KIF26B: variants seen among roughly 807,000 people sequenced by gnomAD.
KIF26B encodes the protein kinesin family member 26B.
A neutral mutation model predicts 151.2 loss-of-function variants in KIF26B; 63 were observed. The observed-to-expected ratio is 0.42, with a 90% CI of 0.34 to 0.51. KIF26B has a LOEUF of 0.51. Among genes scored for constraint, KIF26B ranks in the 20% least tolerant of loss-of-function variants. The probability of loss-of-function intolerance (pLI) is 0.07; values close to 1 mark genes in which losing one functional copy is unlikely to be tolerated. For missense variants in KIF26B, 2,813 were observed against 2,913.6 expected (o/e 0.97, Z 0.79); for synonymous variants, 1,357 against 1,262.1 (o/e 1.08, Z -1.59).
rs182684749 is a variant in KIF26B, at chr1:245,381,452, C to T, written c.999+14085C>T. The stretch of plus-strand genomic sequence containing the variant: ...CTTTGAACGCAGCCCAACACGAGTT[C>T]GTAAATTTTCTTAAAACATTGCGAG... On this transcript the variant is annotated intron_variant, in intron 3 of 14. Transcript: ENST00000407071. Among the ~76,000 whole-genome samples, 343 of 152,248 alleles carry T rather than the reference C, an allele frequency of 2.3e-3. 3 individuals carry two copies. The highest frequency in any genetic ancestry group is 8.1e-3 in the African/African-American group (335 of 41,552).
intron 5 of KIF26B, among the ~76,000 whole-genome samples, chr1:245,553,212 C>T (rs1661935807): frequency 2.0e-5 from 3 of 152,288 alleles, no homozygotes; most frequent in East Asian, 1.9e-4. Flanking sequence ...GAAGCTGGAC[C>T]GGATCTAAGG....
At chr1:245,265,587 CTT>C (rs34317893) in intron 2 of KIF26B, among the ~76,000 whole-genome samples, 88 of 140,714 alleles carry the variant, frequency 6.3e-4, no homozygotes, top group Non-Finnish European at 7.1e-4. Flanking sequence ...TAGAGAATGA[CTT>C]TTTTTTTTTT....
At chr1:245,331,800 T>A (rs1282929617) in intron 2 of KIF26B, among the ~76,000 whole-genome samples, 1 of 152,118 alleles carries the variant, frequency 6.6e-6, no homozygotes, top group African/African-American at 2.4e-5. Context: ...AATGCAGGGA[T>A]TTTTAAAAAG....
intron 4 of KIF26B, among the ~76,000 whole-genome samples, chr1:245,433,477 A>AGAAG (rs1553274012): frequency 2.0e-5 from 3 of 147,742 alleles, no homozygotes; most frequent in Admixed American, 1.3e-4. Flanking sequence ...AAAAAAAAAA[A>AGAAG]AAGAAGAAGA....
At chr1:245,203,533 C>T (rs1443651037) in intron 2 of KIF26B, among the ~76,000 whole-genome samples, 1 of 152,192 alleles carries the variant, frequency 6.6e-6, no homozygotes, top group Admixed American at 6.5e-5. Context: ...CACAACCCAC[C>T]ATGGGACAGA....
intron 4 of KIF26B, among the ~76,000 whole-genome samples, chr1:245,473,738 A>T (rs1659967617): frequency 6.6e-6 from 1 of 151,956 alleles, no homozygotes; most frequent in African/African-American, 2.4e-5. Context: ...ATTTTATCAC[A>T]GTGAATTTCC....
intron 5 of KIF26B, among the ~76,000 whole-genome samples, chr1:245,598,926 T>C (rs1053509911): frequency 2.0e-5 from 3 of 152,140 alleles, no homozygotes; most frequent in African/African-American, 7.2e-5. Context: ...GCTGTTCCTT[T>C]AGCTTTCTGG....
At chr1:245,224,390 GTTGT>G (rs1573718487) in intron 2 of KIF26B, among the ~76,000 whole-genome samples, 1 of 152,170 alleles carries the variant, frequency 6.6e-6, no homozygotes, top group African/African-American at 2.4e-5. Context: ...CGTATACGCA[GTTGT>G]TTGAGTTGCC....
intron 2 of KIF26B, among the ~76,000 whole-genome samples, chr1:245,347,936 C>T (rs1672486670): frequency 6.6e-6 from 1 of 152,216 alleles, no homozygotes; most frequent in African/African-American, 2.4e-5. Context: ...AAGGCGGGTA[C>T]CGTTATTTTC....
intron 4 of KIF26B, among the ~76,000 whole-genome samples, chr1:245,467,382 T>C (rs2103061553): frequency 6.6e-6 from 1 of 152,334 alleles, no homozygotes; most frequent in South Asian, 2.1e-4. Flanking sequence ...TTGAAAATTC[T>C]GGTTTTGTTG....
intron 2 of KIF26B, among the ~76,000 whole-genome samples, chr1:245,320,929 C>T (rs893298535): frequency 2.2e-4 from 34 of 152,338 alleles, no homozygotes; most frequent in African/African-American, 7.9e-4. Flanking sequence ...CTCCCCGCGT[C>T]GTCCTCCCAA....
intron 3 of KIF26B, among the ~76,000 whole-genome samples, chr1:245,405,863 T>C (rs1187970938): frequency 6.6e-6 from 1 of 152,208 alleles, no homozygotes. Flanking sequence ...AGGTTTGGTG[T>C]CAAGTCGAAA....
At chr1:245,283,245 C>T (rs1403321398) in intron 2 of KIF26B, among the ~76,000 whole-genome samples, 2 of 151,896 alleles carry the variant, frequency 1.3e-5, no homozygotes, top group East Asian at 1.9e-4. Context: ...CCAATCTGCC[C>T]AAGCCCACCC....
At chr1:245,521,153 C>T (rs867489267) in intron 4 of KIF26B, among the ~76,000 whole-genome samples, 29 of 152,054 alleles carry the variant, frequency 1.9e-4, no homozygotes, top group Middle Eastern at 3.2e-3. Context: ...CTGGCTAACA[C>T]GGTGAAACCC....
intron 5 of KIF26B, among the ~76,000 whole-genome samples, chr1:245,575,972 T>C (rs1050403233): frequency 1.3e-5 from 2 of 152,112 alleles, no homozygotes; most frequent in Admixed American, 6.6e-5. Context: ...AAGCCAGAGA[T>C]CACACCTCCC....
intron 2 of KIF26B, among the ~76,000 whole-genome samples, chr1:245,319,653 C>G (rs1671846222): frequency 6.6e-6 from 1 of 152,070 alleles, no homozygotes. Context: ...GGAAAAATGT[C>G]TCCATTAATT....
chr1:245,644,820 T>C (rs2043929688), intron 9 of KIF26B, among the ~76,000 whole-genome samples: 1 of 152,236 alleles, frequency 6.6e-6, no homozygotes, highest in South Asian at 2.1e-4. Context: ...GTTGTGTTAG[T>C]CCCTTTTGCA....
chr1:245,396,879 G>A (rs373195381), intron 3 of KIF26B, among the ~76,000 whole-genome samples: 60 of 152,000 alleles, frequency 3.9e-4, no homozygotes, highest in Non-Finnish European at 6.6e-4. Context: ...ATGCACCTCC[G>A]TGCCAGGAAT....
chr1:245,559,046 G>A, intron 5 of KIF26B, among the ~76,000 whole-genome samples: 1 of 152,154 alleles, frequency 6.6e-6, no homozygotes, highest in South Asian at 2.1e-4. Flanking sequence ...GCGGACACGT[G>A]GCATTTAAAT....
Sources: gnomAD v4.1 joint callset for allele counts (sites outside exome capture counted in the v4.1 genomes callset) on GRCh38, gnomAD v4.1.1 for gene constraint, MANE v1.5 for transcripts, NCBI Gene and HGNC (gene_info 2026-07-23, HGNC 2026-07-21) for gene names.